C7: variants seen among roughly 807,000 people sequenced by gnomAD.
C7 encodes the protein complement C7.
In C7, 83 loss-of-function variants were observed where a neutral mutation model predicts 104.8. The ratio of observed to expected loss-of-function variants is 0.79; its 90% CI spans 0.66 to 0.95. The LOEUF (loss-of-function observed/expected upper bound fraction) is 0.95. Among genes scored for constraint, C7 ranks in the 40% least tolerant of loss-of-function variants. The pLI is 0.00. For missense variants in C7, 1,070 were observed against 1,011.2 expected (o/e 1.06, Z -0.79); for synonymous variants, 415 against 360.6 (o/e 1.15, Z -1.71).
intron 1 of C7, among the ~76,000 whole-genome samples, chr5:40,920,519 A>G (rs1418433910): frequency 6.6e-6 from 1 of 151,086 alleles, no homozygotes; most frequent in Non-Finnish European, 1.5e-5. Context: ...TTGAATCTGT[A>G]ATAAAAGTTC....
At chr5:40,915,612 C>T (rs112625374) in intron 1 of C7, among the ~76,000 whole-genome samples, 5,011 of 152,072 alleles carry the variant, frequency 0.033, 281 homozygotes, top group African/African-American at 0.11. Flanking sequence ...TAATTTAAAA[C>T]AAAAACGTCT....
Position 40,962,187 on chromosome 5 carries a change from A to T in C7, c.1749+15A>T, listed in dbSNP as rs1227071769. On this transcript the variant is annotated intron_variant, in intron 13 of 17. Coordinates refer to ENST00000313164, the MANE Select transcript of C7 (RefSeq NM_000587.4). The stretch of plus-strand genomic sequence containing the variant: ...GATTTGTTCAAGTTGGTTATGAAAG[A>T]TATTTTTTTCCTTTATAATGCTCTA... The T allele has an allele frequency of 6.8e-7, 1 of 1,462,188 alleles. No homozygotes were observed. Among genetic ancestry groups the T allele is most frequent in the Admixed American group, 2.0e-5 (1 of 51,222 alleles). 90.6% of individuals were successfully genotyped at this position (1,462,188 alleles called of 1,614,324 possible).
chr5:40,982,415 A>G lies in C7; in HGVS notation c.*842A>G, dbSNP rs755669602. 2 of 152,276 alleles carry G rather than the reference A, an allele frequency of 1.3e-5. No homozygotes were observed. Among genetic ancestry groups the G allele is most frequent in the Non-Finnish European group, 2.9e-5 (2 of 68,068 alleles). The allele number at this position is 152,276 out of a possible 1,614,324, so 9.4% of individuals were successfully genotyped here. A position where few individuals can be genotyped will look rare whatever the true frequency, so the allele number is the denominator to read the frequency against. ...TGCCTTGGCCTCCCAAAGTGCTGGGATTACAGACATGAACCACCACGCCTG... is the reference window on the plus strand; with the variant it reads ...TGCCTTGGCCTCCCAAAGTGCTGGGGTTACAGACATGAACCACCACGCCTG... On this transcript the variant is annotated 3_prime_UTR_variant, in exon 18 of 18. Transcript: ENST00000313164.
rs1205692048 is a variant in C7, at chr5:40,959,448, G to C, written c.1490-1G>C. 4 of 1,609,244 alleles carry C rather than the reference G, an allele frequency of 2.5e-6. No homozygotes were observed. The African/African-American group carries it at 5.3e-5, about 21-fold the overall frequency. On this transcript the variant is annotated splice_acceptor_variant, in intron 11 of 17. Transcript: ENST00000313164. LOFTEE classifies it high-confidence loss of function. ...TGATCAACCTCTTTCTCATCTTGTA[G>C]GAGGGGTTGATGGAGGTTGGAGTTG...
intron 16 of C7, 21 bp downstream of exon 16, chr5:40,976,861 T>G: frequency 6.5e-7 from 1 of 1,530,234 alleles, no homozygotes; most frequent in Non-Finnish European, 8.9e-7. Flanking sequence ...CCTTTGCTCA[T>G]TTCTCTGTTT....
rs185870421 is a variant in C7, at chr5:40,921,168, C to T, written c.7-7412C>T. Reference sequence around the variant, plus strand: ...AATCAGCAGCATTCCTACATGCTAACAGAGATGGTTCTGAAAAGAAAATCA... The same window carrying T: ...AATCAGCAGCATTCCTACATGCTAATAGAGATGGTTCTGAAAAGAAAATCA... On this transcript the variant is annotated intron_variant, in intron 1 of 17. Coordinates refer to ENST00000313164, the MANE Select transcript of C7 (RefSeq NM_000587.4). Among the ~76,000 whole-genome samples the T allele has an allele frequency of 4.9e-3, 751 of 151,872 alleles. 7 individuals are homozygous for T. Among genetic ancestry groups the T allele is most frequent in the African/African-American group, 0.017 (721 of 41,432 alleles).
chr5:40,924,864 G>C (rs952406421), intron 1 of C7, among the ~76,000 whole-genome samples: 17 of 152,206 alleles, frequency 1.1e-4, no homozygotes, highest in Non-Finnish European at 2.4e-4. Context: ...AGGGCAGCAA[G>C]ACCCTGGGCC....
chr5:40,929,568 A>G (rs1181085112), intron 2 of C7, among the ~76,000 whole-genome samples: 1 of 152,138 alleles, frequency 6.6e-6, no homozygotes, highest in Non-Finnish European at 1.5e-5. Context: ...AATCATCTTG[A>G]CTCAAGATAT....
At chr5:40,931,186 C>T in intron 3 of C7, 47 bp downstream of exon 3, 1 of 1,430,868 alleles carries the variant, frequency 7.0e-7, no homozygotes, top group South Asian at 1.2e-5. Flanking sequence ...TGCAGAAATA[C>T]TTTGGCATGG....
intron 10 of C7, among the ~76,000 whole-genome samples, chr5:40,957,745 C>T (rs776614498): frequency 1.9e-4 from 28 of 145,422 alleles, no homozygotes; most frequent in Admixed American, 5.0e-4. Flanking sequence ...CGTGAGTCAT[C>T]GCGCCTGGGC....
chr5:40,941,441 T>C (rs1017253021), intron 6 of C7, among the ~76,000 whole-genome samples: 4 of 151,886 alleles, frequency 2.6e-5, no homozygotes, highest in African/African-American at 7.3e-5. Context: ...TTGTAAGAAA[T>C]GAGGTTATGA....
intron 13 of C7, among the ~76,000 whole-genome samples, chr5:40,963,429 G>A (rs1740463539): frequency 6.6e-6 from 1 of 152,120 alleles, no homozygotes; most frequent in African/African-American, 2.4e-5. Context: ...GAAGGAATAG[G>A]ATCATGAGTC....
rs758738674 is a variant in C7, at chr5:40,969,034, G to A, written c.1883-3369G>A. On this transcript the variant is annotated intron_variant, in intron 14 of 17. Transcript: ENST00000313164. ...AAACTGACTAGAAAGTACAGAGAGC[G>A]CCCATCTACTTCCTTACTTCCCGCC... Among the ~76,000 whole-genome samples, 11 of 152,072 alleles carry A rather than the reference G, an allele frequency of 7.2e-5. 1 individual carries two copies. Among genetic ancestry groups the A allele is most frequent in the South Asian group, 2.1e-4 (1 of 4,816 alleles).
intron 12 of C7, 50 bp downstream of exon 12, chr5:40,959,670 G>A (rs760067234): frequency 2.2e-6 from 3 of 1,387,768 alleles, no homozygotes; most frequent in Admixed American, 2.4e-5. Flanking sequence ...AGTACCCTCT[G>A]CAGTTAGCAT....
At chr5:40,944,784 G>A (rs1740010909) in intron 6 of C7, among the ~76,000 whole-genome samples, 1 of 152,148 alleles carries the variant, frequency 6.6e-6, no homozygotes, top group Non-Finnish European at 1.5e-5. Flanking sequence ...CCAAAACAAA[G>A]TCCAAAAGAG....
At chr5:40,937,717 T>C (rs1489996562) in intron 6 of C7, 27 bp downstream of exon 6, 3 of 1,520,116 alleles carry the variant, frequency 2.0e-6, no homozygotes, top group Non-Finnish European at 2.7e-6. Context: ...TGATTTCCAA[T>C]CTGGAATTGT....
At chr5:40,963,896 TA>T (rs1424873628) in intron 13 of C7, among the ~76,000 whole-genome samples, 2 of 151,894 alleles carry the variant, frequency 1.3e-5, no homozygotes, top group Non-Finnish European at 2.9e-5. Context: ...ATGCTTCCCC[TA>T]AAAGTTATCA....
chr5:40,964,028 T>TG (rs1472920498), intron 13 of C7, among the ~76,000 whole-genome samples: 38 of 122,546 alleles, frequency 3.1e-4, no homozygotes, highest in African/African-American at 1.1e-3. Context: ...TACTTTTTTT[T>TG]TTTTTTTTTT....
At chr5:40,967,228 G>A (rs1175887122) in intron 14 of C7, among the ~76,000 whole-genome samples, 1 of 151,946 alleles carries the variant, frequency 6.6e-6, no homozygotes, top group East Asian at 1.9e-4. Flanking sequence ...ACCATGCCCA[G>A]CTACTTTTTG....
Sources: allele counts gnomAD v4.1 joint callset (sites outside exome capture counted in the v4.1 genomes callset), GRCh38; gene constraint gnomAD v4.1.1; transcripts MANE v1.5; gene names NCBI Gene and HGNC (gene_info 2026-07-23, HGNC 2026-07-21).